The following UGT1A8 variants were observed in gnomAD, a reference collection of about 807,000 sequenced individuals.
UGT1A8 encodes UDP glucuronosyltransferase family 1 member A8, also known as UDP-glucuronosyltransferase 1A8.
UGT1A8 carries 39 observed loss-of-function variants against 45.3 expected under a neutral mutation model. The observed-to-expected ratio is 0.86, with a 90% CI of 0.67 to 1.12. The LOEUF (loss-of-function observed/expected upper bound fraction) is 1.12, where lower values mean the gene tolerates loss of function less well. UGT1A8 is among the 50% of genes most tolerant of loss of function. The pLI, the probability that UGT1A8 is intolerant of heterozygous loss-of-function variation, is 0.00. For missense variants in UGT1A8, 719 were observed against 664.9 expected (o/e 1.08, Z -0.90); for synonymous variants, 275 against 249.2 (o/e 1.10, Z -0.97).
At chr2:233,627,624 T>TCTTCCCTCCTTC (rs2073108473) in intron 1 of UGT1A8, among the ~76,000 whole-genome samples, 1 of 111,934 alleles carries the variant, frequency 8.9e-6, no homozygotes. Flanking sequence ...TTCCTTCCTT[T>TCTTCCCTCCTTC]CTTCCTTCCT....
chr2:233,682,896 T>C (rs2074606166), intron 1 of UGT1A8: 1 of 1,507,006 alleles, frequency 6.6e-7, no homozygotes. Flanking sequence ...CCATTTGGAA[T>C]TTCTTTCTGG....
chr2:233,712,941 TA>T (rs2076262183), intron 1 of UGT1A8: 1 of 1,612,448 alleles, frequency 6.2e-7, no homozygotes, highest in Non-Finnish European at 8.5e-7. Context: ...GAAACAATTC[TA>T]GGAGGCACAA....
intron 1 of UGT1A8, among the ~76,000 whole-genome samples, chr2:233,664,306 G>A (rs1251780811): frequency 1.3e-5 from 2 of 152,110 alleles, no homozygotes; most frequent in African/African-American, 4.8e-5. Flanking sequence ...TCAAACGTCT[G>A]CCTGCTACCA....
At chr2:233,656,564 A>T (rs915254897) in intron 1 of UGT1A8, among the ~76,000 whole-genome samples, 11 of 152,062 alleles carry the variant, frequency 7.2e-5, no homozygotes, top group South Asian at 2.1e-4. Flanking sequence ...GGCGCCCATG[A>T]CTCAACTCTT....
chr2:233,679,061 C>T (rs10202865), intron 1 of UGT1A8, among the ~76,000 whole-genome samples: 45,513 of 151,892 alleles, frequency 0.3, 7,094 homozygotes, highest in South Asian at 0.4. Flanking sequence ...AGATTCTCTT[C>T]CATAGTATTG....
intron 1 of UGT1A8, among the ~76,000 whole-genome samples, chr2:233,748,506 T>C (rs868820669): frequency 6.6e-5 from 10 of 151,912 alleles, no homozygotes; most frequent in African/African-American, 2.4e-4. Context: ...TTTTTAGTGG[T>C]CCTGTCTTGC....
chr2:233,754,737 G>T, intron 1 of UGT1A8: 1 of 665,248 alleles, frequency 1.5e-6, no homozygotes, highest in Non-Finnish European at 2.5e-6. Flanking sequence ...ACTACCGTAG[G>T]ACATGCAGAA....
intron 1 of UGT1A8, among the ~76,000 whole-genome samples, chr2:233,660,279 A>G (rs990209652): frequency 5.9e-5 from 9 of 152,164 alleles, no homozygotes; most frequent in African/African-American, 1.7e-4. Context: ...TCCTTTCCAT[A>G]GAAAACCATG....
intron 1 of UGT1A8, chr2:233,637,408 A>T: frequency 6.4e-7 from 1 of 1,574,318 alleles, no homozygotes; most frequent in Non-Finnish European, 8.6e-7. Context: ...CACATTAAGA[A>T]TAATCTGGCT....
chr2:233,660,887 G>T (rs1304437512), intron 1 of UGT1A8, among the ~76,000 whole-genome samples: 1 of 152,054 alleles, frequency 6.6e-6, no homozygotes, highest in Non-Finnish European at 1.5e-5. Flanking sequence ...GTTATCTTGA[G>T]ATTTTTAAAG....
chr2:233,672,285 T>C (rs1472432556), intron 1 of UGT1A8: 3 of 1,613,882 alleles, frequency 1.9e-6, no homozygotes, highest in East Asian at 4.5e-5. Context: ...ATGACATTTT[T>C]GACTTATTTT....
intron 1 of UGT1A8, among the ~76,000 whole-genome samples, chr2:233,711,666 T>C (rs903465308): frequency 6.6e-6 from 1 of 152,186 alleles, no homozygotes; most frequent in African/African-American, 2.4e-5. Context: ...TGGAATCTAT[T>C]ATCAATGTGG....
At chr2:233,681,927 G>A in intron 1 of UGT1A8, 2 of 1,610,084 alleles carry the variant, frequency 1.2e-6, no homozygotes, top group Middle Eastern at 1.7e-4. Flanking sequence ...GCTCTGGGCT[G>A]AAGTTCTCTG....
chr2:233,620,169 G>A (rs575356964), intron 1 of UGT1A8, among the ~76,000 whole-genome samples: 1 of 152,208 alleles, frequency 6.6e-6, no homozygotes, highest in South Asian at 2.1e-4. Flanking sequence ...CATCTCACAG[G>A]AAAGTGAAAT....
chr2:233,754,656 T>C (rs776841418), intron 1 of UGT1A8: 5 of 458,568 alleles, frequency 1.1e-5, no homozygotes. Flanking sequence ...AATGATTCTC[T>C]TGGTGGTGAT....
intron 1 of UGT1A8, among the ~76,000 whole-genome samples, chr2:233,670,503 T>A (rs1365967222): frequency 6.6e-6 from 1 of 152,252 alleles, no homozygotes; most frequent in African/African-American, 2.4e-5. Flanking sequence ...GTAGTCTTAA[T>A]AATTGGAAGC....
intron 1 of UGT1A8, chr2:233,747,857 C>A (rs1438723140): frequency 6.2e-7 from 1 of 1,613,396 alleles, no homozygotes; most frequent in Non-Finnish European, 8.5e-7. Context: ...AGAACATGCT[C>A]TACCCTCTGG....
chr2:233,632,200 G>T (rs1434385271), intron 1 of UGT1A8, among the ~76,000 whole-genome samples: 2 of 152,198 alleles, frequency 1.3e-5, no homozygotes, highest in African/African-American at 4.8e-5. Context: ...CTATATATCT[G>T]TTTGGGTACA....
intron 1 of UGT1A8, among the ~76,000 whole-genome samples, chr2:233,711,248 G>C (rs561495182): frequency 6.6e-6 from 1 of 152,206 alleles, no homozygotes; most frequent in Non-Finnish European, 1.5e-5. Context: ...CATCTTCCAA[G>C]ATACATGGGC....
Sources: gnomAD v4.1 joint callset for allele counts (sites outside exome capture counted in the v4.1 genomes callset) on GRCh38, gnomAD v4.1.1 for gene constraint, MANE v1.5 for transcripts, NCBI Gene and HGNC (gene_info 2026-07-23, HGNC 2026-07-21) for gene names.